The following AFF3 variants were observed in gnomAD, a reference collection of about 807,000 sequenced individuals.
The protein encoded by AFF3 is AF4/FMR2 family member 3.
AFF3 carries 32 observed loss-of-function variants against 129.7 expected under a neutral mutation model. That is an observed-to-expected ratio of 0.25 (90% CI 0.19 to 0.33). The LOEUF (loss-of-function observed/expected upper bound fraction) is 0.33, where lower values mean the gene tolerates loss of function less well. Among genes scored for constraint, AFF3 ranks in the 10% least tolerant of loss-of-function variants. The pLI is 1.00. For missense variants in AFF3, 1,373 were observed against 1,592.0 expected, an observed-to-expected ratio of 0.86 and a Z score of 2.34; for synonymous variants, 644 against 635.4, an observed-to-expected ratio of 1.01 and a Z score of -0.20.
intron 7 of AFF3, among the ~76,000 whole-genome samples, chr2:99,942,946 G>A (rs1675196554): frequency 6.6e-6 from 1 of 152,094 alleles, no homozygotes; most frequent in Non-Finnish European, 1.5e-5. Context: ...TAAGACTTGG[G>A]CTGAGGGGAA....
At chr2:100,091,378 T>C (rs961237464) in intron 4 of AFF3, among the ~76,000 whole-genome samples, 3 of 151,896 alleles carry the variant, frequency 2.0e-5, no homozygotes, top group East Asian at 1.9e-4. Context: ...CTGTCTTTTC[T>C]ATTTGAAAAT....
At chr2:100,108,302 T>C (rs1429985928) in intron 2 of AFF3, among the ~76,000 whole-genome samples, 1 of 152,146 alleles carries the variant, frequency 6.6e-6, no homozygotes, top group Admixed American at 6.5e-5. Context: ...GGCCTTTCCC[T>C]CTCTCTCCAC....
At chr2:100,047,531 A>C (rs895642119) in intron 4 of AFF3, among the ~76,000 whole-genome samples, 5 of 152,238 alleles carry the variant, frequency 3.3e-5, no homozygotes, top group African/African-American at 1.2e-4. Context: ...GACAATCTGA[A>C]TACAACTTGA....
chr2:99,893,631 G>A (rs983823257), intron 7 of AFF3, among the ~76,000 whole-genome samples: 17 of 152,244 alleles, frequency 1.1e-4, no homozygotes, highest in Non-Finnish European at 2.2e-4. Context: ...TCCAGAATTC[G>A]GGGAAAATAA....
At chr2:99,905,673 A>G (rs1694666001) in intron 7 of AFF3, among the ~76,000 whole-genome samples, 1 of 152,180 alleles carries the variant, frequency 6.6e-6, no homozygotes, top group South Asian at 2.1e-4. Context: ...TCATGAGTTT[A>G]ATTTAACTGT....
At chr2:99,994,657 A>G (rs375806654) in intron 7 of AFF3, among the ~76,000 whole-genome samples, 17 of 152,350 alleles carry the variant, frequency 1.1e-4, no homozygotes, top group African/African-American at 3.6e-4. Flanking sequence ...CTAGAAAAGG[A>G]TATTACTCCA....
chr2:99,545,859 T>C lies in AFF3; in HGVS notation c.*5615A>G, dbSNP rs1370213887. 5.3e-6 allele frequency: 1 copy of C among 187,870 alleles called. No individual in the cohort carries two copies. Among genetic ancestry groups the C allele is most frequent in the Non-Finnish European group, 1.1e-5 (1 of 89,142 alleles). The allele number at this position is 187,870 out of a possible 1,614,324, so 11.6% of individuals were successfully genotyped here. A position where few individuals can be genotyped will look rare whatever the true frequency, so the allele number is the denominator to read the frequency against. ...AATAAAAACCAAAACCGTGGGCAGATGTAATTAGTTTGAGAACGGAGTTTA... is the reference window on the plus strand; with the variant it reads ...AATAAAAACCAAAACCGTGGGCAGACGTAATTAGTTTGAGAACGGAGTTTA... On this transcript the variant is annotated 3_prime_UTR_variant, in exon 25 of 25. Transcript: ENST00000672756.
chr2:99,849,808 G>A (rs1194781294), intron 7 of AFF3, among the ~76,000 whole-genome samples: 1 of 152,202 alleles, frequency 6.6e-6, no homozygotes, highest in Non-Finnish European at 1.5e-5. Flanking sequence ...TGATTTCCCA[G>A]TGGGTAGAAG....
intron 14 of AFF3, among the ~76,000 whole-genome samples, chr2:99,597,881 G>A (rs1406189277): frequency 6.6e-6 from 1 of 152,212 alleles, no homozygotes; most frequent in African/African-American, 2.4e-5. Context: ...TCACGCACCA[G>A]CTCTCCATCA....
At chr2:99,592,462 T>C (rs1428378172) in intron 15 of AFF3, among the ~76,000 whole-genome samples, 3 of 152,240 alleles carry the variant, frequency 2.0e-5, no homozygotes, top group Non-Finnish European at 4.4e-5. Context: ...CACTGGCCTC[T>C]TGGGCCAATG....
chr2:99,816,946 G>A (rs1687284425), intron 8 of AFF3, among the ~76,000 whole-genome samples: 1 of 152,084 alleles, frequency 6.6e-6, no homozygotes, highest in South Asian at 2.1e-4. Context: ...TAGGGCATTT[G>A]TTTCTTAGGA....
At chr2:99,760,536 A>G (rs935991627) in intron 8 of AFF3, among the ~76,000 whole-genome samples, 1 of 152,148 alleles carries the variant, frequency 6.6e-6, no homozygotes, top group African/African-American at 2.4e-5. Flanking sequence ...GCTCCACATT[A>G]TTTTATCACT....
At chr2:99,955,477 A>G (rs1676555853) in intron 7 of AFF3, among the ~76,000 whole-genome samples, 1 of 152,182 alleles carries the variant, frequency 6.6e-6, no homozygotes, top group Non-Finnish European at 1.5e-5. Context: ...AAGTACTGCC[A>G]TAAATTTAAA....
chr2:99,714,416 C>T (rs1253650951), intron 11 of AFF3, among the ~76,000 whole-genome samples: 3 of 151,992 alleles, frequency 2.0e-5, no homozygotes, highest in African/African-American at 7.3e-5. Flanking sequence ...TCTTGGTTTC[C>T]AATAGTTGGA....
intron 2 of AFF3, among the ~76,000 whole-genome samples, chr2:100,111,575 G>A (rs1053363515): frequency 2.0e-5 from 3 of 152,138 alleles, no homozygotes; most frequent in South Asian, 4.1e-4. Flanking sequence ...TGGCATTTAC[G>A]AAAAACAGTG....
intron 13 of AFF3, among the ~76,000 whole-genome samples, chr2:99,648,632 C>A (rs1684905874): frequency 6.6e-6 from 1 of 152,054 alleles, no homozygotes; most frequent in African/African-American, 2.4e-5. Context: ...CTCATGCACA[C>A]CAGATAATTC....
chr2:99,908,784 C>G (rs1694904508), intron 7 of AFF3, among the ~76,000 whole-genome samples: 1 of 152,200 alleles, frequency 6.6e-6, no homozygotes, highest in African/African-American at 2.4e-5. Context: ...GATACCATCT[C>G]ACACCAGTTA....
At chr2:100,106,955 C>T (rs1304763795) in intron 2 of AFF3, 6 of 985,310 alleles carry the variant, frequency 6.1e-6, no homozygotes, top group Non-Finnish European at 7.2e-6. Context: ...CATGTAGTAA[C>T]GGGCAGATTT....
chr2:99,671,301 T>C (rs1204730388), intron 12 of AFF3, among the ~76,000 whole-genome samples: 3 of 152,222 alleles, frequency 2.0e-5, no homozygotes, highest in South Asian at 4.1e-4. Context: ...GGCAGATATC[T>C]GGCTGCCCTG....
Sources: allele counts gnomAD v4.1 joint callset (sites outside exome capture counted in the v4.1 genomes callset), GRCh38; gene constraint gnomAD v4.1.1; transcripts MANE v1.5; gene names NCBI Gene and HGNC (gene_info 2026-07-23, HGNC 2026-07-21).